TRRAP: variants seen among roughly 807,000 people sequenced by gnomAD.
TRRAP encodes transformation/transcription domain associated protein, also known as transformation/transcription domain-associated protein.
Under a neutral mutation model 438.8 loss-of-function variants are expected in TRRAP, and 41 were observed. The observed-to-expected ratio is 0.09, with a 90% CI of 0.07 to 0.12. The LOEUF (loss-of-function observed/expected upper bound fraction) is 0.12, where lower values mean the gene tolerates loss of function less well. Ranked by LOEUF, TRRAP falls within the 10% of genes least tolerant of loss-of-function variation. The pLI is 1.00. For synonymous variants in TRRAP, 1,994 were observed against 1,962.9 expected, an observed-to-expected ratio of 1.02 and a Z score of -0.42; for missense variants, 3,122 against 5,055.1, an observed-to-expected ratio of 0.62 and a Z score of 11.60.
In TRRAP at chr7:98,911,219, A is replaced by G; in HGVS notation, c.1955A>G (p.Gln652Arg). 1 of 1,614,232 alleles carries G rather than the reference A, an allele frequency of 6.2e-7. No homozygotes were observed. The highest frequency in any genetic ancestry group is 2.2e-5 in the East Asian group (1 of 44,890). ...CCCTTAACGTTCAAAGAAATCTTCCAAACTACGGTCCCTTATATGGTGGAG... is the reference window on the plus strand; with the variant it reads ...CCCTTAACGTTCAAAGAAATCTTCCGAACTACGGTCCCTTATATGGTGGAG... The part of the protein sequence containing the change: ...MNPLTFKEIF[Q>R]TTVPYMVERI... The change falls in exon 17 of 73, where the codon CAA becomes CGA. Residue 652 changes from glutamine to arginine, a missense_variant. Gln to Arg is a conservative substitution (Grantham distance 43). This residue lies in a region of TRRAP where 149 missense variants were observed against 302.8 expected (regional missense o/e 0.49). Transcript: ENST00000456197.
At chr7:98,949,605 C>A (rs781791385) in intron 36 of TRRAP, 24 bp downstream of exon 36, 2 of 1,586,596 alleles carry the variant, frequency 1.3e-6, no homozygotes, top group South Asian at 1.2e-5. Context: ...CTCCAGCCCC[C>A]AATGCCCAGG....
intron 70 of TRRAP, among the ~76,000 whole-genome samples, chr7:99,008,828 C>T (rs1794310571): frequency 6.6e-6 from 1 of 152,182 alleles, no homozygotes; most frequent in Non-Finnish European, 1.5e-5. Context: ...TCTGCCTGTA[C>T]TTACAAAGAA....
chr7:98,898,389 A>G (rs1021661027), intron 8 of TRRAP, among the ~76,000 whole-genome samples: 2 of 152,212 alleles, frequency 1.3e-5, no homozygotes, highest in African/African-American at 4.8e-5. Flanking sequence ...CAGGTAATGT[A>G]TCGTATATTT....
intron 53 of TRRAP, among the ~76,000 whole-genome samples, chr7:98,975,722 A>G (rs1792624055): frequency 6.6e-6 from 1 of 152,228 alleles, no homozygotes; most frequent in African/African-American, 2.4e-5. Flanking sequence ...TCTTCAGAAT[A>G]ATACCTGTTG....
At position 99,012,164 on chromosome 7, in the gene TRRAP, G is replaced by A. The variant is rs753198601; in HGVS notation, c.11431G>A (p.Gly3811Arg). 18 of 1,614,030 alleles carry A rather than the reference G, an allele frequency of 1.1e-5. No homozygotes were observed. The highest frequency in any genetic ancestry group is 3.3e-5 in the South Asian group (3 of 91,076). The change falls in exon 73 of 73, where the codon GGG (glycine) becomes AGG (arginine). Residue 3811 changes from glycine (G) to arginine (R), a missense_variant. This residue lies in a region of TRRAP where 192 missense variants were observed against 355.6 expected (regional missense o/e 0.54). Transcript: ENST00000456197. This position sits in a 1 kb window ranked among gnomAD's most constrained non-coding sequence, Gnocchi z 5.9. Reference protein sequence around the residue: ...EDTSSPLSAAGQPENMDSQQL... With the variant: ...EDTSSPLSAARQPENMDSQQL... ...CACGTCCTCTCCTCTCTCGGCCGCC[G>A]GGCAGCCAGAGAACATGGACAGCCA...
At chr7:98,982,827 G>T (rs886590952) in intron 59 of TRRAP, among the ~76,000 whole-genome samples, 4 of 152,190 alleles carry the variant, frequency 2.6e-5, no homozygotes, top group Non-Finnish European at 5.9e-5. Flanking sequence ...GCTTAGTGTG[G>T]CTGTGGGGTT....
In TRRAP at chr7:98,900,596, G is replaced by T. The variant is rs201426691; in HGVS notation, c.801-28G>T. On this transcript the variant is annotated intron_variant, in intron 10 of 72. Coordinates refer to ENST00000456197, the MANE Select transcript of TRRAP (RefSeq NM_001375524.1). ...TACTAACATCACTCATAATTGAGAGGTAATATTTTTGTTCTCTTCTTATTC... is the reference window on the plus strand; with the variant it reads ...TACTAACATCACTCATAATTGAGAGTTAATATTTTTGTTCTCTTCTTATTC... The T allele has an allele frequency of 3.8e-6, 6 of 1,566,370 alleles. No individual in the cohort carries two copies. In the Admixed American group the frequency reaches 9.1e-5, roughly 24 times the overall value.
In TRRAP at chr7:98,984,108, A is replaced by C; in HGVS notation, c.9038A>C (p.Tyr3013Ser). ...TGCCCTCTAGCGATTGTAACTGCCTATGAGAATAGCTCTCAGCATGATCCC... is the reference window on the plus strand; with the variant it reads ...TGCCCTCTAGCGATTGTAACTGCCTCTGAGAATAGCTCTCAGCATGATCCC... ...QHHYQAIVTA[Y>S]ENSSQHDPSS... Residue 3013 changes from tyrosine to serine, a missense_variant, in exon 61 of 73, where the codon TAT becomes TCT. By Grantham distance (144) the Tyr-to-Ser change is moderately radical (BLOSUM62 -2). Transcript: ENST00000456197. 1 of 1,608,382 alleles carries C rather than the reference A, an allele frequency of 6.2e-7. No individual in the cohort carries two copies. Among genetic ancestry groups the C allele is most frequent in the Non-Finnish European group, 8.5e-7 (1 of 1,176,988 alleles).
chr7:98,942,136 A>G (rs1197249593), intron 30 of TRRAP, among the ~76,000 whole-genome samples: 1 of 152,194 alleles, frequency 6.6e-6, no homozygotes, highest in Admixed American at 6.5e-5. Context: ...GAGCCTGGCT[A>G]CCAGGTGCCT....
chr7:98,942,912 C>T (rs1409469325), intron 30 of TRRAP, 37 bp from the exon 31 acceptor site: 1 of 1,612,496 alleles, frequency 6.2e-7, no homozygotes, highest in Non-Finnish European at 8.5e-7. Context: ...AATGCACCTA[C>T]TGTGAAGTTG....
At chr7:98,998,919 C>T in intron 67 of TRRAP, 1 of 495,282 alleles carries the variant, frequency 2.0e-6, no homozygotes. Flanking sequence ...CATGGTAGGT[C>T]AGTCTGCACA....
At position 98,948,324 on chromosome 7, in the gene TRRAP, G is replaced by A. The variant is rs1791178279; in HGVS notation, c.4652G>A (p.Arg1551Gln). 1.2e-6 allele frequency: 2 copies of A among 1,614,174 alleles called. No individual in the cohort carries two copies. The highest frequency in any genetic ancestry group is 1.7e-6 in the Non-Finnish European group (2 of 1,180,042). ...PLLEVVMKTERAMLIEAGSPF... is the reference protein window; with the variant it reads ...PLLEVVMKTEQAMLIEAGSPF... ...CTAGAGGTTGTCATGAAAACGGAGCGGGCGATGCTGATCGAGGTAAGGGCC... is the reference window on the plus strand; with the variant it reads ...CTAGAGGTTGTCATGAAAACGGAGCAGGCGATGCTGATCGAGGTAAGGGCC... Residue 1551 changes from arginine to glutamine, a missense_variant, in exon 34 of 73, where the codon CGG becomes CAG. Arg to Gln is a conservative substitution (Grantham distance 43, BLOSUM62 1). This residue lies in a region of TRRAP where 108 missense variants were observed against 256.9 expected (regional missense o/e 0.42). Transcript: ENST00000456197. The surrounding 1 kb of genome is among the most constrained non-coding windows in gnomAD (Gnocchi z 4.9).
intron 44 of TRRAP, among the ~76,000 whole-genome samples, chr7:98,958,440 C>T (rs1369059238): frequency 2.0e-5 from 3 of 152,050 alleles, no homozygotes; most frequent in African/African-American, 7.2e-5. Context: ...GCTGGGATTA[C>T]AGGCGCGTGC....
intron 58 of TRRAP, 141 bp downstream of exon 58, chr7:98,979,045 G>A: frequency 7.1e-6 from 7 of 988,124 alleles, no homozygotes; most frequent in Non-Finnish European, 1.0e-5. Flanking sequence ...CCTTTTGATT[G>A]TCTAACACCT....
chr7:99,002,677 A>G (rs1793985275), intron 67 of TRRAP, among the ~76,000 whole-genome samples: 1 of 151,956 alleles, frequency 6.6e-6, no homozygotes, highest in Non-Finnish European at 1.5e-5. Context: ...CAGAGGAGGG[A>G]GGTGCCACAG....
intron 3 of TRRAP, among the ~76,000 whole-genome samples, chr7:98,889,431 G>A (rs553776810): frequency 6.6e-6 from 1 of 152,014 alleles, no homozygotes; most frequent in East Asian, 1.9e-4. Context: ...AGGAAGGCGG[G>A]AAATAATATC....
At chr7:98,987,492 A>G (rs1176460475) in intron 62 of TRRAP, among the ~76,000 whole-genome samples, 3 of 152,176 alleles carry the variant, frequency 2.0e-5, no homozygotes, top group African/African-American at 4.8e-5. Flanking sequence ...TCATTTTCAC[A>G]TTGCTCATTG....
chr7:99,006,363 G>A (rs1794164538), intron 69 of TRRAP, among the ~76,000 whole-genome samples: 1 of 152,130 alleles, frequency 6.6e-6, no homozygotes. Flanking sequence ...CTCAAAATAA[G>A]ATTTTTTTAA....
intron 49 of TRRAP, among the ~76,000 whole-genome samples, chr7:98,966,195 A>G (rs1792147310): frequency 6.6e-6 from 1 of 151,334 alleles, no homozygotes; most frequent in African/African-American, 2.4e-5. Context: ...AGTCCCAGCT[A>G]CTCGGGAGGC....
Sources: gnomAD v4.1 joint callset for allele counts (sites outside exome capture counted in the v4.1 genomes callset) on GRCh38, gnomAD v4.1.1 for gene constraint, gnomAD v4.1.1 regional missense constraint, Gnocchi (gnomAD v3.1) non-coding constraint, MANE v1.5 for transcripts, NCBI Gene and HGNC (gene_info 2026-07-23, HGNC 2026-07-21) for gene names.